TMEM177: variants seen among roughly 807,000 people sequenced by gnomAD.
TMEM177 encodes transmembrane protein 177.
A neutral mutation model predicts 14.2 loss-of-function variants in TMEM177; 4 were observed. The observed-to-expected ratio is 0.28, with a 90% confidence interval of 0.14 to 0.64. TMEM177 has a LOEUF of 0.64. Among genes scored for constraint, TMEM177 ranks in the 30% least tolerant of loss-of-function variants. The pLI is 0.82. For synonymous variants in TMEM177, 179 were observed against 174.5 expected (o/e 1.03, Z -0.20); for missense variants, 344 against 405.2 (o/e 0.85, Z 1.30).
downstream of TMEM177, among the ~76,000 whole-genome samples, chr2:119,690,268 C>T (rs1345490130): frequency 1.3e-4 from 20 of 152,160 alleles, no homozygotes; most frequent in Admixed American, 1.3e-3. Context: ...CTCCTTCCTG[C>T]TCCAGTCGTG....
At chr2:119,722,864 G>T in the TMEM177 span, among the ~76,000 whole-genome samples, 1,066 of 152,308 alleles carry the variant, frequency 7.0e-3, 25 homozygotes, top group East Asian at 0.065. Context: ...CTGAATAACT[G>T]GAACCTTTTC....
At chr2:119,679,679 A>G (rs1688845564) in intron 1 of TMEM177, 2 of 152,244 alleles carry the variant, frequency 1.3e-5, no homozygotes, top group Non-Finnish European at 2.9e-5. Context: ...GGATGAAGTG[A>G]TAGGATGCCC....
At chr2:119,707,964 C>A in the TMEM177 span, among the ~76,000 whole-genome samples, 3 of 152,220 alleles carry the variant, frequency 2.0e-5, no homozygotes, top group Non-Finnish European at 4.4e-5. Flanking sequence ...TCTGCCATGG[C>A]TCCGGCGCCT....
downstream of TMEM177, among the ~76,000 whole-genome samples, chr2:119,683,425 G>T (rs1455510960): frequency 6.6e-6 from 1 of 152,182 alleles, no homozygotes; most frequent in Non-Finnish European, 1.5e-5. Flanking sequence ...ACCTGCTGCT[G>T]CTGTACTTAA....
chr2:119,705,619 CGTGTGTGTGTGT>C, the TMEM177 span, among the ~76,000 whole-genome samples: 1 of 139,160 alleles, frequency 7.2e-6, no homozygotes, highest in Non-Finnish European at 1.5e-5. Context: ...CACTCAGATC[CGTGTGTGTGTGT>C]GTGTGTGTGT....
At chr2:119,699,110 A>C in the TMEM177 span, 1 of 169,572 alleles carries the variant, frequency 5.9e-6, no homozygotes, top group South Asian at 1.5e-4. Context: ...GTGTACCTGT[A>C]TTAGTTCGTT....
chr2:119,716,674 G>A, the TMEM177 span, among the ~76,000 whole-genome samples: 2 of 152,204 alleles, frequency 1.3e-5, no homozygotes, highest in African/African-American at 4.8e-5. Flanking sequence ...GGAAATTCAA[G>A]AGTCTCAGGC....
the TMEM177 span, among the ~76,000 whole-genome samples, chr2:119,706,203 T>C: frequency 6.6e-6 from 1 of 151,980 alleles, no homozygotes; most frequent in South Asian, 2.1e-4. Flanking sequence ...TTTGTGTTTT[T>C]TTAGTAGACA....
At chr2:119,697,731 T>G in the TMEM177 span, among the ~76,000 whole-genome samples, 11 of 152,202 alleles carry the variant, frequency 7.2e-5, no homozygotes. Flanking sequence ...TCTGGATTCC[T>G]TGCTTTCTGT....
the TMEM177 span, among the ~76,000 whole-genome samples, chr2:119,697,368 C>A: frequency 6.6e-6 from 1 of 152,258 alleles, no homozygotes; most frequent in Admixed American, 6.5e-5. Context: ...TGAGATCAGC[C>A]CAGGCAACAT....
downstream of TMEM177, among the ~76,000 whole-genome samples, chr2:119,684,274 A>G (rs1455705979): frequency 6.6e-6 from 1 of 152,058 alleles, no homozygotes; most frequent in East Asian, 1.9e-4. Flanking sequence ...CCCGGTGCTC[A>G]GTTATTTAGT....
At chr2:119,723,563 G>A in the TMEM177 span, among the ~76,000 whole-genome samples, 234 of 152,268 alleles carry the variant, frequency 1.5e-3, 1 homozygote, top group African/African-American at 5.3e-3. Context: ...GTGAGAAAAA[G>A]GCCCAGCACA....
Position 119,680,965 on chromosome 2 carries a change from C to G in TMEM177, c.112C>G (p.Pro38Ala), listed in dbSNP as rs753689619. ...FGVPISYHLF[P>A]DPVVQWLYQY... Reference sequence around the variant, plus strand: ...AGTTCCAATCTCGTACCACCTCTTCCCGGATCCCGTGGTCCAATGGCTCTA... The same window carrying G: ...AGTTCCAATCTCGTACCACCTCTTCGCGGATCCCGTGGTCCAATGGCTCTA... The change falls in exon 2 of 2, where the codon CCG becomes GCG. Residue 38 changes from proline to alanine, a missense_variant. Pro to Ala is a conservative substitution (Grantham distance 27). Coordinates refer to ENST00000272521, the MANE Select transcript of TMEM177 (RefSeq NM_030577.3). 1 of 1,614,228 alleles carries G rather than the reference C, an allele frequency of 6.2e-7. No individual in the cohort carries two copies. Among genetic ancestry groups the G allele is most frequent in the South Asian group, 1.1e-5 (1 of 91,090 alleles).
chr2:119,718,496 A>G, the TMEM177 span, among the ~76,000 whole-genome samples: 1 of 152,190 alleles, frequency 6.6e-6, no homozygotes, highest in East Asian at 1.9e-4. Flanking sequence ...CAATAGAGGT[A>G]AGATTTTCTT....
chr2:119,709,283 A>G, the TMEM177 span, among the ~76,000 whole-genome samples: 3 of 152,216 alleles, frequency 2.0e-5, no homozygotes, highest in South Asian at 2.1e-4. Context: ...AGAGATGGTT[A>G]CTGAAAGTTA....
chr2:119,683,972 C>G (rs1688965465), downstream of TMEM177, among the ~76,000 whole-genome samples: 1 of 148,726 alleles, frequency 6.7e-6, no homozygotes, highest in African/African-American at 2.5e-5. Flanking sequence ...CTCCCAGTAG[C>G]TCTCGGCTCC....
chr2:119,687,194 C>G (rs1177602405), downstream of TMEM177, among the ~76,000 whole-genome samples: 1 of 152,082 alleles, frequency 6.6e-6, no homozygotes, highest in Non-Finnish European at 1.5e-5. Flanking sequence ...TTGGAGAGAC[C>G]CACATGGCGA....
chr2:119,681,950 T>G lies in TMEM177; in HGVS notation c.*161T>G, dbSNP rs956821118. 1 of 651,082 alleles carries G rather than the reference T, an allele frequency of 1.5e-6. No individual in the cohort carries two copies. The highest frequency in any genetic ancestry group is 1.8e-5 in the African/African-American group (1 of 54,580). The allele number at this position is 651,082 out of a possible 1,614,324, so 40.3% of individuals were successfully genotyped here. ...TGTACTATAACCACTACTTATGAAC[T>G]CAGGGACTATGAGGGACTATTCAGG... On this transcript the variant is annotated 3_prime_UTR_variant, in exon 2 of 2. Transcript: ENST00000272521.
downstream of TMEM177, chr2:119,685,960 A>G (rs1368482392): frequency 6.0e-6 from 3 of 500,498 alleles, no homozygotes; most frequent in African/African-American, 5.8e-5. Flanking sequence ...GAAAGGGACA[A>G]CCAGCCTACC....
Sources: allele counts gnomAD v4.1 joint callset (sites outside exome capture counted in the v4.1 genomes callset), GRCh38; gene constraint gnomAD v4.1.1; transcripts MANE v1.5; gene names NCBI Gene and HGNC (gene_info 2026-07-23, HGNC 2026-07-21).